Variants in DAG1 observed in about 807,000 individuals in gnomAD.
The protein encoded by DAG1 is dystroglycan 1 (dystrophin-associated glycoprotein 1).
In DAG1, 8 loss-of-function variants were observed where a neutral mutation model predicts 46.1. The ratio of observed to expected loss-of-function variants is 0.17; its 90% CI spans 0.10 to 0.31. DAG1 has a LOEUF of 0.31. Among genes scored for constraint, DAG1 ranks in the 10% least tolerant of loss-of-function variants. The pLI is 1.00. For synonymous variants in DAG1, 495 were observed against 481.8 expected, an observed-to-expected ratio of 1.03 and a Z score of -0.36; for missense variants, 1,003 against 1,189.9, an observed-to-expected ratio of 0.84 and a Z score of 2.31.
intron 1 of DAG1, among the ~76,000 whole-genome samples, chr3:49,483,740 T>A (rs2049945338): frequency 6.6e-6 from 1 of 152,190 alleles, no homozygotes; most frequent in African/African-American, 2.4e-5. Flanking sequence ...GGTGGCATAA[T>A]CATAGCTCAC....
intron 1 of DAG1, among the ~76,000 whole-genome samples, chr3:49,473,016 G>A (rs1173054402): frequency 6.7e-6 from 1 of 149,346 alleles, no homozygotes; most frequent in Admixed American, 6.7e-5. Flanking sequence ...AGCTACTCGG[G>A]AGGCTGAGAC....
intron 1 of DAG1, among the ~76,000 whole-genome samples, chr3:49,472,795 A>G (rs2049561874): frequency 6.6e-6 from 1 of 151,624 alleles, no homozygotes; most frequent in South Asian, 2.1e-4. Context: ...CCACAGATCG[A>G]GACTCCGTCT....
At chr3:49,474,184 A>T (rs2049610262) in intron 1 of DAG1, among the ~76,000 whole-genome samples, 1 of 150,892 alleles carries the variant, frequency 6.6e-6, no homozygotes, top group African/African-American at 2.4e-5. Context: ...CCTCCCGAGT[A>T]GCTGGGACTA....
intron 2 of DAG1, among the ~76,000 whole-genome samples, chr3:49,528,352 T>C (rs1161226699): frequency 7.2e-6 from 1 of 137,938 alleles, no homozygotes; most frequent in Admixed American, 8.0e-5. Flanking sequence ...TGGTGTGGTC[T>C]CCGCTCACTG....
chr3:49,477,008 A>T (rs1436897683), intron 1 of DAG1: 1 of 151,912 alleles, frequency 6.6e-6, no homozygotes, highest in Non-Finnish European at 1.5e-5. Context: ...ATTTTTATTT[A>T]TTTTTTTGAG....
chr3:49,484,830 CT>C, intron 1 of DAG1, among the ~76,000 whole-genome samples: 1 of 150,110 alleles, frequency 6.7e-6, no homozygotes. Flanking sequence ...GAGTCTTGCT[CT>C]TGTCACCCAG....
At position 49,510,450 on chromosome 3, in the gene DAG1, C is replaced by A; in HGVS notation, c.-85C>A. 1.5e-6 allele frequency: 2 copies of A among 1,349,294 alleles called. No individual in the cohort carries two copies. The highest frequency in any genetic ancestry group is 2.1e-6 in the Non-Finnish European group (2 of 949,760). The allele number at this position is 1,349,294 out of a possible 1,614,324, so 83.6% of individuals were successfully genotyped here. On this transcript the variant is annotated 5_prime_UTR_variant, in exon 2 of 3. An upstream open reading frame in the 5' UTR gains an earlier in-frame stop. Coordinates refer to ENST00000308775, the MANE Select transcript of DAG1 (RefSeq NM_004393.6). ...TGTGCTCCGGGATGGAGCAGGTGTG[C>A]AGAGGGTGAGAACCCAGCTCTGGGA...
Position 49,510,540 on chromosome 3 carries a change from G to A in DAG1, c.6G>A (p.Arg2=). M[R]MSVGLSLLLP... is the part of the protein sequence containing the mutation. ...TGAGCAAACTTGGACCTGGGATGAGGATGTCTGTGGGCCTCTCGCTGCTGC... is the reference window on the plus strand; with the variant it reads ...TGAGCAAACTTGGACCTGGGATGAGAATGTCTGTGGGCCTCTCGCTGCTGC... Residue 2 remains arginine (R), a synonymous_variant, in exon 2 of 3, where the codon AGG becomes AGA. Transcript: ENST00000308775. 2 of 1,613,210 alleles carry A rather than the reference G, an allele frequency of 1.2e-6. No homozygotes were observed. The highest frequency in any genetic ancestry group is 1.7e-6 in the Non-Finnish European group (2 of 1,179,994).
intron 2 of DAG1, among the ~76,000 whole-genome samples, chr3:49,525,389 AG>A (rs2051140859): frequency 6.6e-6 from 1 of 152,148 alleles, no homozygotes; most frequent in Non-Finnish European, 1.5e-5. Flanking sequence ...TAATTTATAG[AG>A]AAAAGAGTTT....
chr3:49,478,941 GTA>G (rs1375954780), intron 1 of DAG1, among the ~76,000 whole-genome samples: 6 of 150,666 alleles, frequency 4.0e-5, no homozygotes, highest in African/African-American at 1.5e-4. Flanking sequence ...AGCCTCTTGA[GTA>G]GCTGGGATTA....
chr3:49,488,138 A>G (rs932030018), intron 1 of DAG1, among the ~76,000 whole-genome samples: 2 of 152,156 alleles, frequency 1.3e-5, no homozygotes, highest in Non-Finnish European at 2.9e-5. Flanking sequence ...ATTAAGTACC[A>G]TTACTCCCAG....
rs2051327558 is a variant in DAG1, at chr3:49,531,020, C to T, written c.509C>T (p.Ala170Val). The change falls in exon 3 of 3, where the codon GCC becomes GTC. Residue 170 changes from alanine (A) to valine (V), a missense_variant. Physicochemically the swap from Ala to Val is moderately conservative, Grantham distance 64. Around this residue, in one of 3 missense-constraint regions of DAG1, gnomAD observed 196 missense variants for 239.1 expected, o/e 0.82. Coordinates refer to ENST00000308775, the MANE Select transcript of DAG1 (RefSeq NM_004393.6). This position sits in a 1 kb window ranked among gnomAD's most constrained non-coding sequence, Gnocchi z 7.0. ...AGTGAGCTGCAGTCGGTGAGGACAG[C>T]CTCCCCAGACCCTGGTGAGGTGGTA... ...DHSELQSVRT[A>V]SPDPGEVVSS... The T allele has an allele frequency of 1.2e-6, 2 of 1,614,054 alleles. No homozygotes were observed.
intron 1 of DAG1, among the ~76,000 whole-genome samples, chr3:49,485,454 A>G (rs149095114): frequency 3.2e-4 from 48 of 152,298 alleles, no homozygotes; most frequent in Non-Finnish European, 5.6e-4. Flanking sequence ...CATGTAATAT[A>G]CCAGAATTTA....
At chr3:49,518,841 C>A (rs1315490771) in intron 2 of DAG1, among the ~76,000 whole-genome samples, 1 of 152,224 alleles carries the variant, frequency 6.6e-6, no homozygotes, top group African/African-American at 2.4e-5. Flanking sequence ...TTTGAGAGAC[C>A]TGTGCCATGG....
At chr3:49,483,919 G>T (rs2049949320) in intron 1 of DAG1, among the ~76,000 whole-genome samples, 1 of 152,218 alleles carries the variant, frequency 6.6e-6, no homozygotes, top group South Asian at 2.1e-4. Flanking sequence ...CTCCCAAAGT[G>T]TTGGGATTAC....
At chr3:49,518,424 G>A (rs944295031) in intron 2 of DAG1, among the ~76,000 whole-genome samples, 1 of 152,170 alleles carries the variant, frequency 6.6e-6, no homozygotes, top group African/African-American at 2.4e-5. Context: ...GTGGGCTTCT[G>A]GTTACTTTAT....
At chr3:49,482,973 G>A (rs949222112) in intron 1 of DAG1, among the ~76,000 whole-genome samples, 2 of 152,106 alleles carry the variant, frequency 1.3e-5, no homozygotes, top group Non-Finnish European at 2.9e-5. Context: ...AATTAGCTCA[G>A]TTGTTCTCCA....
chr3:49,512,062 T>TG (rs2050774218), intron 2 of DAG1, among the ~76,000 whole-genome samples: 1 of 152,132 alleles, frequency 6.6e-6, no homozygotes, highest in African/African-American at 2.4e-5. Flanking sequence ...GGCAGGGTCT[T>TG]GCTCTGTTGT....
chr3:49,506,775 A>G (rs1306184639), intron 1 of DAG1, among the ~76,000 whole-genome samples: 1 of 151,934 alleles, frequency 6.6e-6, no homozygotes, highest in Non-Finnish European at 1.5e-5. Flanking sequence ...TTTTGTTGTA[A>G]TATCTTGGTT....
Sources: gnomAD v4.1 joint callset for allele counts (sites outside exome capture counted in the v4.1 genomes callset) on GRCh38, gnomAD v4.1.1 for gene constraint, gnomAD v4.1.1 regional missense constraint, Gnocchi (gnomAD v3.1) non-coding constraint, MANE v1.5 for transcripts, NCBI Gene and HGNC (gene_info 2026-07-23, HGNC 2026-07-21) for gene names.